The following AMPD3 variants were observed in gnomAD, a reference collection of about 807,000 sequenced individuals.
AMPD3 encodes the protein adenosine monophosphate deaminase 3.
AMPD3 carries 57 observed loss-of-function variants against 82.3 expected under a neutral mutation model. The ratio of observed to expected loss-of-function variants is 0.69; its 90% CI spans 0.56 to 0.86. The LOEUF (loss-of-function observed/expected upper bound fraction) is 0.86, where lower values mean the gene tolerates loss of function less well. Ranked by LOEUF, AMPD3 falls within the 40% of genes least tolerant of loss-of-function variation. AMPD3 has a pLI of 0.00. For missense variants in AMPD3, 870 were observed against 1,003.8 expected, an observed-to-expected ratio of 0.87 and a Z score of 1.80; for synonymous variants, 381 against 394.7, an observed-to-expected ratio of 0.97 and a Z score of 0.41.
In AMPD3 at chr11:10,496,800, G is replaced by C; in HGVS notation, c.1431-12G>C. 6.2e-7 allele frequency: 1 copy of C among 1,614,144 alleles called. No homozygotes were observed. The highest frequency in any genetic ancestry group is 8.5e-7 in the Non-Finnish European group (1 of 1,180,022). On this transcript the variant is annotated splice_polypyrimidine_tract_variant and intron_variant, in intron 9 of 14. Coordinates refer to ENST00000396553, the MANE Select transcript of AMPD3 (RefSeq NM_001025389.2). ...GGATCCACCTGACAAGCGAGTCTTT[G>C]CTGTCCCCCAGTGACATATTTAGGT...
chr11:10,459,782 G>A (rs928127127), intron 1 of AMPD3, among the ~76,000 whole-genome samples: 5 of 152,024 alleles, frequency 3.3e-5, no homozygotes, highest in African/African-American at 1.2e-4. Flanking sequence ...AAGCAGCACA[G>A]CATGGTGGGT....
chr11:10,494,950 G>GT lies in AMPD3; in HGVS notation c.1187dup (p.Ala398GlyfsTer3). 2 of 1,614,164 alleles carry GT rather than the reference G, an allele frequency of 1.2e-6. No homozygotes were observed. On this transcript the variant is annotated frameshift_variant, in exon 8 of 15. Transcript: ENST00000396553. LOFTEE classifies it high-confidence loss of function. ...CAAGTTCAACTCCAAATACAACCCT[G>GT]TGGGGGCCAGTGAGCTGCGTGACCT...
chr11:10,471,085 A>C (rs1848576097), intron 2 of AMPD3, among the ~76,000 whole-genome samples: 1 of 152,230 alleles, frequency 6.6e-6, no homozygotes, highest in African/African-American at 2.4e-5. Context: ...ACAGTAAACA[A>C]AACAGCCTGG....
At chr11:10,486,931 A>G (rs557115668) in intron 5 of AMPD3, 1 of 985,372 alleles carries the variant, frequency 1.0e-6, no homozygotes, top group East Asian at 1.1e-4. Flanking sequence ...CCTGATATTT[A>G]CTCATGGGAA....
At chr11:10,490,721 C>G in intron 6 of AMPD3, 19 of 895,618 alleles carry the variant, frequency 2.1e-5, no homozygotes, top group Non-Finnish European at 2.5e-5. Flanking sequence ...TGTGGTGTGT[C>G]ATTGGTAAGC....
At chr11:10,457,702 C>G (rs796379938) in intron 1 of AMPD3, among the ~76,000 whole-genome samples, 7 of 152,284 alleles carry the variant, frequency 4.6e-5, no homozygotes, top group African/African-American at 1.7e-4. Context: ...CAAGACCAGC[C>G]TGGCCAACAT....
At chr11:10,475,360 C>T (rs915813772) in intron 2 of AMPD3, among the ~76,000 whole-genome samples, 7 of 152,218 alleles carry the variant, frequency 4.6e-5, no homozygotes, top group African/African-American at 9.6e-5. Flanking sequence ...CCTCCAACAC[C>T]GGGGATTAAC....
At chr11:10,473,748 C>T (rs1206500638) in intron 2 of AMPD3, 3 of 312,404 alleles carry the variant, frequency 9.6e-6, no homozygotes, top group Non-Finnish European at 1.4e-5. Context: ...GTGTCAGCCC[C>T]TCTTAGTTCC....
At chr11:10,468,959 A>G (rs1848502628) in intron 2 of AMPD3, among the ~76,000 whole-genome samples, 1 of 152,264 alleles carries the variant, frequency 6.6e-6, no homozygotes, top group African/African-American at 2.4e-5. Flanking sequence ...ACAAAGACAC[A>G]ACGTACCAGA....
At chr11:10,467,723 C>A (rs552760768) in intron 2 of AMPD3, among the ~76,000 whole-genome samples, 22 of 152,108 alleles carry the variant, frequency 1.4e-4, no homozygotes, top group Middle Eastern at 3.4e-3. Flanking sequence ...CGTCAGATGC[C>A]CCAAGGTTGA....
intron 10 of AMPD3, among the ~76,000 whole-genome samples, chr11:10,497,293 T>TG (rs36120251): frequency 2.7e-5 from 1 of 36,614 alleles, no homozygotes; most frequent in Non-Finnish European, 6.5e-5. Flanking sequence ...CAGCCTCAGG[T>TG]TTTTTTTTCG....
In AMPD3 at chr11:10,504,428, G is replaced by A. The variant is rs1849660467; in HGVS notation, c.2017-121G>A. ...TGAAGGTGTGATGTTTGATGATCCA[G>A]GTGCCATTTAGTGAGGAAAAGTTAA... is the stretch of plus-strand genomic sequence containing the variant. On this transcript the variant is annotated intron_variant, in intron 13 of 14. Coordinates refer to ENST00000396553, the MANE Select transcript of AMPD3 (RefSeq NM_001025389.2). The A allele has an allele frequency of 6.4e-6, 7 of 1,088,272 alleles. 1 individual carries two copies. The South Asian group carries it at 7.7e-5, about 12-fold the overall frequency. The allele number at this position is 1,088,272 out of a possible 1,614,324, so 67.4% of individuals were successfully genotyped here. A position where few individuals can be genotyped will look rare whatever the true frequency, so the allele number is the denominator to read the frequency against.
upstream of AMPD3, chr11:10,455,070 A>G: frequency 4.9e-6 from 4 of 821,866 alleles, no homozygotes; most frequent in Non-Finnish European, 5.9e-6. Context: ...ACGATTGGAC[A>G]TGCGGAGGTG....
At chr11:10,475,414 C>T (rs1218163686) in intron 2 of AMPD3, among the ~76,000 whole-genome samples, 7 of 152,086 alleles carry the variant, frequency 4.6e-5, no homozygotes, top group South Asian at 2.1e-4. Flanking sequence ...CAAACCATGT[C>T]GCACACCCTC....
At chr11:10,480,811 A>G (rs1290495166) in intron 3 of AMPD3, among the ~76,000 whole-genome samples, 5 of 152,210 alleles carry the variant, frequency 3.3e-5, no homozygotes, top group African/African-American at 4.8e-5. Flanking sequence ...GATCACTTTC[A>G]GGCCCCAGCC....
rs1848813627 is a variant in AMPD3 at position 10,478,707 on chromosome 11, A to G, written c.403A>G (p.Ile135Val). 5.6e-6 allele frequency: 9 copies of G among 1,613,406 alleles called. No homozygotes were observed. Among genetic ancestry groups the G allele is most frequent in the African/African-American group, 1.3e-5 (1 of 74,926 alleles). ...YAMPEFQRVTISGDYCAGITL... is the reference protein window; with the variant it reads ...YAMPEFQRVTVSGDYCAGITL... Reference sequence around the variant, plus strand: ...CATGCCTGAGTTCCAGCGGGTCACCATCAGCGGAGATTACTGTGCCGGGGT... The same window carrying G: ...CATGCCTGAGTTCCAGCGGGTCACCGTCAGCGGAGATTACTGTGCCGGGGT... Residue 135 changes from isoleucine (I) to valine (V), a missense_variant, in exon 3 of 15, where the codon ATC (isoleucine) becomes GTC (valine). Transcript: ENST00000396553.
intron 4 of AMPD3, 40 bp from the exon 5 acceptor site, chr11:10,484,780 G>C: frequency 3.7e-6 from 6 of 1,607,698 alleles, no homozygotes; most frequent in Non-Finnish European, 4.3e-6. Flanking sequence ...GTGCTCACAA[G>C]GTCAGGGGCA....
chr11:10,490,795 T>C (rs1427775844), intron 6 of AMPD3, among the ~76,000 whole-genome samples: 1 of 152,204 alleles, frequency 6.6e-6, no homozygotes, highest in Non-Finnish European at 1.5e-5. Context: ...TACCAAGCTG[T>C]GTCCAGCTGA....
intron 9 of AMPD3, chr11:10,496,504 G>A (rs937027237): frequency 2.0e-5 from 20 of 985,350 alleles, no homozygotes; most frequent in Non-Finnish European, 2.2e-5. Context: ...GGGTCACTGG[G>A]AATTTGAGGA....
Sources: allele counts gnomAD v4.1 joint callset (sites outside exome capture counted in the v4.1 genomes callset), GRCh38; gene constraint gnomAD v4.1.1; transcripts MANE v1.5; gene names NCBI Gene and HGNC (gene_info 2026-07-23, HGNC 2026-07-21).